The following ARHGEF18 variants were observed in gnomAD, a reference collection of about 807,000 sequenced individuals.
ARHGEF18 encodes the protein Rho/Rac guanine nucleotide exchange factor 18.
A neutral mutation model predicts 155.7 loss-of-function variants in ARHGEF18; 93 were observed. The observed-to-expected ratio is 0.60, with a 90% CI of 0.50 to 0.71. ARHGEF18 has a LOEUF of 0.71. Ranked by LOEUF, ARHGEF18 falls within the 30% of genes least tolerant of loss-of-function variation. The probability of loss-of-function intolerance (pLI) is 0.00; values close to 1 mark genes in which losing one functional copy is unlikely to be tolerated. For synonymous variants in ARHGEF18, 742 were observed against 753.1 expected (o/e 0.99, Z 0.24); for missense variants, 1,593 against 1,816.1 (o/e 0.88, Z 2.23).
chr19:7,467,718 G>T, intron 26 of ARHGEF18, 34 bp downstream of exon 26: 1 of 1,434,652 alleles, frequency 7.0e-7, no homozygotes, highest in South Asian at 1.4e-5. Flanking sequence ...CGCAGGTTGG[G>T]GGTGACCGGT....
At position 7,469,031 on chromosome 19, in the gene ARHGEF18, G is replaced by A. The variant is rs756888410; in HGVS notation, c.3687G>A (p.Ala1229=). 22 of 1,601,900 alleles carry A rather than the reference G, an allele frequency of 1.4e-5. No homozygotes were observed. The highest frequency in any genetic ancestry group is 9.4e-5 in the African/African-American group (7 of 74,676). Residue 1229 remains alanine, a synonymous_variant, in exon 27 of 29, where the codon GCG becomes GCA. Transcript: ENST00000668164. ...CCACCAACCAGTTCCAGAGGCAGGC[G>A]GCCGTGCAGCAGCAGATCCCCACCA... ...LSATNQFQRQ[A]AVQQQIPTKL...
At chr19:7,418,989 C>T (rs977075705) in intron 10 of ARHGEF18, among the ~76,000 whole-genome samples, 15 of 152,018 alleles carry the variant, frequency 9.9e-5, no homozygotes, top group East Asian at 9.7e-4. Flanking sequence ...CCCCCAGCAG[C>T]CCCTCACCCC....
At chr19:7,473,120 C>T (rs980757642), downstream of ARHGEF18, 5 of 456,178 alleles carry the variant, frequency 1.1e-5, no homozygotes, top group Admixed American at 2.3e-5. Flanking sequence ...TTCACTTCCT[C>T]CATCTGGGGT....
At chr19:7,355,101 CACACACACACACAG>C (rs1885568763) in intron 1 of ARHGEF18, among the ~76,000 whole-genome samples, 1 of 132,436 alleles carries the variant, frequency 7.6e-6, no homozygotes, top group African/African-American at 3.1e-5. Context: ...CACACACACA[CACACACACACACAG>C]ACAATCACAG....
At chr19:7,375,281 AAAAG>A (rs1970385501) in intron 3 of ARHGEF18, among the ~76,000 whole-genome samples, 1 of 143,418 alleles carries the variant, frequency 7.0e-6, no homozygotes, top group Non-Finnish European at 1.5e-5. Flanking sequence ...CAAAAAAAAA[AAAAG>A]AAAGAAAAGA....
intron 10 of ARHGEF18, among the ~76,000 whole-genome samples, chr19:7,409,636 C>T (rs951794070): frequency 2.0e-5 from 3 of 151,338 alleles, no homozygotes; most frequent in Admixed American, 6.6e-5. Context: ...GGGGTTTCAC[C>T]ATGTTGGCCA....
chr19:7,475,773 G>A (rs114900627), downstream of ARHGEF18, among the ~76,000 whole-genome samples: 21,772 of 152,088 alleles, frequency 0.14, 2,106 homozygotes, highest in African/African-American at 0.27. Context: ...GGGCCCCACT[G>A]GTATGAGCTA....
chr19:7,424,993 G>A (rs868838740), intron 10 of ARHGEF18, among the ~76,000 whole-genome samples: 81 of 147,432 alleles, frequency 5.5e-4, no homozygotes, highest in Non-Finnish European at 9.3e-4. Context: ...ACTACGTCTC[G>A]GGGAAAAAAA....
chr19:7,430,070 C>G (rs1301098822), intron 10 of ARHGEF18, among the ~76,000 whole-genome samples: 1 of 151,970 alleles, frequency 6.6e-6, no homozygotes, highest in East Asian at 1.9e-4. Context: ...CCCAGTTTCC[C>G]CGCACATTAA....
chr19:7,429,176 T>C (rs1327588734), intron 10 of ARHGEF18, among the ~76,000 whole-genome samples: 5 of 144,956 alleles, frequency 3.4e-5, no homozygotes, highest in Non-Finnish European at 1.5e-5. Flanking sequence ...GGGTACAAAA[T>C]GTGGCAAGAG....
At position 7,440,144 on chromosome 19, in the gene ARHGEF18, G is replaced by A; in HGVS notation, c.968-200G>A. ...CCAAAAGCGGGGACAGGCACAGCGC[G>A]CTCCCCGGCCGCCCCGAGCTGTCTT... On this transcript the variant is annotated intron_variant, in intron 10 of 28. Coordinates refer to ENST00000668164, the MANE Select transcript of ARHGEF18 (RefSeq NM_001367823.1). The surrounding 1 kb of genome is among the most constrained non-coding windows in gnomAD (Gnocchi z 5.4). The A allele has an allele frequency of 6.4e-7, 1 of 1,551,240 alleles. No individual in the cohort carries two copies. Among genetic ancestry groups the A allele is most frequent in the Non-Finnish European group, 8.7e-7 (1 of 1,146,938 alleles).
At chr19:7,474,908 G>A (rs1166473426), downstream of ARHGEF18, among the ~76,000 whole-genome samples, 1 of 152,030 alleles carries the variant, frequency 6.6e-6, no homozygotes. Context: ...TGGGGGGCTT[G>A]GAGGCACCCT....
chr19:7,451,258 A>T lies in ARHGEF18; in HGVS notation c.1847A>T (p.Asn616Ile). Residue 616 changes from asparagine (N) to isoleucine (I), a missense_variant, in exon 16 of 29, where the codon AAC (asparagine) becomes ATC (isoleucine). By Grantham distance (149) the Asn-to-Ile change is moderately radical. Coordinates refer to ENST00000668164, the MANE Select transcript of ARHGEF18 (RefSeq NM_001367823.1). ...YPVLVERIIQNTEAGTEDYED... is the reference protein window; with the variant it reads ...YPVLVERIIQITEAGTEDYED... ...GTGCTGGTGGAGCGCATCATCCAGAACACGGAAGGTAGGCCTTCTCCCCAC... is the reference window on the plus strand; with the variant it reads ...GTGCTGGTGGAGCGCATCATCCAGATCACGGAAGGTAGGCCTTCTCCCCAC... The T allele has an allele frequency of 1.2e-6, 2 of 1,613,404 alleles. No homozygotes were observed. Among genetic ancestry groups the T allele is most frequent in the Middle Eastern group, 1.6e-4 (1 of 6,062 alleles).
At chr19:7,454,071 T>A (rs1269806423) in intron 17 of ARHGEF18, among the ~76,000 whole-genome samples, 2 of 151,792 alleles carry the variant, frequency 1.3e-5, no homozygotes, top group Non-Finnish European at 2.9e-5. Context: ...GGGCATCATC[T>A]TGGATTGGTA....
intron 2 of ARHGEF18, among the ~76,000 whole-genome samples, chr19:7,366,523 A>G (rs907216838): frequency 6.6e-6 from 1 of 152,100 alleles, no homozygotes; most frequent in Non-Finnish European, 1.5e-5. Context: ...ACTTGCTGCC[A>G]TTTCCTCCAG....
rs1977003029 is a variant in ARHGEF18, at chr19:7,471,243, G to C, written c.*945G>C. 1 of 163,132 alleles carries C rather than the reference G, an allele frequency of 6.1e-6. No individual in the cohort carries two copies. The highest frequency in any genetic ancestry group is 2.0e-4 in the South Asian group (1 of 4,908). 10.1% of individuals were successfully genotyped at this position (163,132 alleles called of 1,614,324 possible). A position where few individuals can be genotyped will look rare whatever the true frequency, so the allele number is the denominator to read the frequency against. On this transcript the variant is annotated 3_prime_UTR_variant, in exon 29 of 29. Transcript: ENST00000668164. The surrounding 1 kb of genome is among the most constrained non-coding windows in gnomAD (Gnocchi z 4.4). ...GACTGTCGAGAGCGCCATGTCCCAG[G>C]GCATGCAGAGGATGCACCTAGAGAC...
chr19:7,455,245 T>C (rs1600507300), intron 17 of ARHGEF18, among the ~76,000 whole-genome samples: 1 of 152,332 alleles, frequency 6.6e-6, no homozygotes, highest in East Asian at 1.9e-4. Context: ...GGGCAAGACC[T>C]GGTGCCTAGC....
intron 1 of ARHGEF18, among the ~76,000 whole-genome samples, chr19:7,358,159 T>TTCCATCCATCCATCCA (rs72488503): frequency 6.8e-6 from 1 of 147,050 alleles, no homozygotes; most frequent in African/African-American, 2.5e-5. Flanking sequence ...CCATCCATCC[T>TTCCATCCATCCATCCA]TCCATCCATC....
At chr19:7,382,934 C>A in intron 9 of ARHGEF18, 40 bp downstream of exon 9, 1 of 1,232,434 alleles carries the variant, frequency 8.1e-7, no homozygotes, top group Non-Finnish European at 1.0e-6. Context: ...CTCTGCCTTC[C>A]CCAGCTTGGC....
Sources: gnomAD v4.1 joint callset for allele counts (sites outside exome capture counted in the v4.1 genomes callset) on GRCh38, gnomAD v4.1.1 for gene constraint, Gnocchi (gnomAD v3.1) non-coding constraint, MANE v1.5 for transcripts, NCBI Gene and HGNC (gene_info 2026-07-23, HGNC 2026-07-21) for gene names.